Variants in SYTL5 observed in about 807,000 individuals in gnomAD.
SYTL5 encodes the protein synaptotagmin like 5, also known as synaptotagmin-like protein 5.
In SYTL5, 34 loss-of-function variants were observed where a neutral mutation model predicts 55.9. The observed-to-expected ratio is 0.61, with a 90% confidence interval of 0.46 to 0.81. The LOEUF (loss-of-function observed/expected upper bound fraction) is 0.81, where lower values mean the gene tolerates loss of function less well. Among genes scored for constraint, SYTL5 ranks in the 30% least tolerant of loss-of-function variants. The pLI, the probability that SYTL5 is intolerant of heterozygous loss-of-function variation, is 0.00. For synonymous variants in SYTL5, 221 were observed against 188.7 expected, an observed-to-expected ratio of 1.17 and a Z score of -1.40; for missense variants, 637 against 546.7, an observed-to-expected ratio of 1.17 and a Z score of -1.65.
intron 3 of SYTL5, among the ~76,000 whole-genome samples, chrX:38,058,496 C>T (rs941611365): frequency 2.7e-5 from 3 of 110,006 alleles, no homozygotes; most frequent in African/African-American, 9.9e-5. Context: ...TTTAGTGTGG[C>T]TTTGCTGGTG....
the SYTL5 span, among the ~76,000 whole-genome samples, chrX:37,967,198 C>A: frequency 9.0e-6 from 1 of 111,068 alleles, no homozygotes; most frequent in African/African-American, 3.3e-5. Context: ...ACTACAGGCA[C>A]CCGCCACCAT....
intron 2 of SYTL5, among the ~76,000 whole-genome samples, chrX:38,039,589 G>C (rs1935219105): frequency 9.0e-6 from 1 of 111,676 alleles, no homozygotes; most frequent in Admixed American, 9.5e-5. Context: ...TTGTGGTATT[G>C]ACTTGTACTT....
chrX:38,043,694 T>C (rs7886429), intron 2 of SYTL5, among the ~76,000 whole-genome samples: 5 of 92,280 alleles, frequency 5.4e-5, no homozygotes, highest in Non-Finnish European at 8.4e-5. Context: ...TATATATACA[T>C]ATATATATAC....
At chrX:37,912,977 G>C in the SYTL5 span, among the ~76,000 whole-genome samples, 2 of 111,776 alleles carry the variant, frequency 1.8e-5, no homozygotes, top group Non-Finnish European at 3.8e-5. Context: ...AGTTCCACCA[G>C]TGAGAGGTAA....
At chrX:38,062,079 T>A in intron 3 of SYTL5, among the ~76,000 whole-genome samples, 1 of 111,112 alleles carries the variant, frequency 9.0e-6, no homozygotes, top group South Asian at 3.9e-4. Flanking sequence ...GTGATTCTCC[T>A]GCCTCAGTTT....
At position 38,110,371 on chromosome X, in the gene SYTL5, C is replaced by G. The variant is rs769038460; in HGVS notation, c.1485C>G (p.Val495=). 1.2e-5 allele frequency: 14 copies of G among 1,208,944 alleles called. No homozygotes were observed. The South Asian group carries it at 2.1e-4, about 18-fold the overall frequency. The change falls in exon 13 of 17, where the codon GTC becomes GTG. Residue 495 remains valine (V), a synonymous_variant. Transcript: ENST00000297875. ...QLETRTLQLS[V]WHYDRFGRNS... is the part of the protein sequence containing the mutation. ...AAACAAGAACTCTGCAGCTCTCAGTCTGGCACTATGATCGATTTGGACGTA... is the reference window on the plus strand; with the variant it reads ...AAACAAGAACTCTGCAGCTCTCAGTGTGGCACTATGATCGATTTGGACGTA...
At chrX:38,111,318 G>T (rs1412594625) in intron 13 of SYTL5, among the ~76,000 whole-genome samples, 1 of 111,483 alleles carries the variant, frequency 9.0e-6, no homozygotes, top group Non-Finnish European at 1.9e-5. Flanking sequence ...TAATATAATC[G>T]TGGGATGTAG....
At chrX:37,921,725 G>A in the SYTL5 span, among the ~76,000 whole-genome samples, 1 of 111,624 alleles carries the variant, frequency 9.0e-6, no homozygotes, top group African/African-American at 3.3e-5. Flanking sequence ...ATATTTCCCT[G>A]TTTCTCTAGC....
chrX:37,926,267 A>G, the SYTL5 span, among the ~76,000 whole-genome samples: 64 of 111,769 alleles, frequency 5.7e-4, no homozygotes, highest in Non-Finnish European at 9.4e-4. Context: ...TGCTATTTGT[A>G]TATCTACTTT....
intron 3 of SYTL5, among the ~76,000 whole-genome samples, chrX:38,063,405 A>G (rs1291809763): frequency 8.9e-6 from 1 of 111,806 alleles, no homozygotes; most frequent in Non-Finnish European, 1.9e-5. Flanking sequence ...CACTATGAGT[A>G]TGGTACCTTA....
chrX:37,996,135 G>A, the SYTL5 span, among the ~76,000 whole-genome samples: 1 of 112,063 alleles, frequency 8.9e-6, no homozygotes, highest in African/African-American at 3.2e-5. Context: ...CAAGGGGCAT[G>A]GGAGAGTCAG....
intron 13 of SYTL5, among the ~76,000 whole-genome samples, chrX:38,118,637 A>G (rs1333832301): frequency 8.9e-6 from 1 of 111,865 alleles, no homozygotes; most frequent in Non-Finnish European, 1.9e-5. Context: ...TTATATTTTG[A>G]GATGATTATA....
At chrX:37,989,590 C>T in the SYTL5 span, among the ~76,000 whole-genome samples, 1 of 111,830 alleles carries the variant, frequency 8.9e-6, no homozygotes, top group Non-Finnish European at 1.9e-5. Context: ...GCCTTGAAAC[C>T]TAATGGTTGG....
chrX:38,032,539 C>T (rs867108552), intron 1 of SYTL5, among the ~76,000 whole-genome samples: 14 of 111,220 alleles, frequency 1.3e-4, no homozygotes, highest in Admixed American at 3.8e-4. Flanking sequence ...GCATTGAAGC[C>T]GCTGTGTTCT....
chrX:37,948,757 C>T, the SYTL5 span, among the ~76,000 whole-genome samples: 22 of 111,504 alleles, frequency 2.0e-4, no homozygotes, highest in African/African-American at 7.2e-4. Context: ...CATATTGTCA[C>T]AAATGACAGG....
the SYTL5 span, among the ~76,000 whole-genome samples, chrX:37,971,534 TAAC>T: frequency 1.2e-3 from 137 of 110,044 alleles, no homozygotes; most frequent in African/African-American, 3.7e-3. Flanking sequence ...ACAACAACAA[TAAC>T]AACAACAACA....
In SYTL5 at chrX:38,054,356, T is replaced by C. The variant is rs776842401; in HGVS notation, c.263T>C (p.Val88Ala). Residue 88 changes from valine (V) to alanine (A), a missense_variant, in exon 3 of 17, where the codon GTA becomes GCA. By Grantham distance (64) the Val-to-Ala change is moderately conservative. Coordinates refer to ENST00000297875, the MANE Select transcript of SYTL5 (RefSeq NM_138780.3). ...CCTTGTCAGGCTTGCTCACTGAGGG[T>C]ATGCAGGGAGTGTCGAGTTGCAGGC... ...GDPCQACSLR[V>A]CRECRVAGPN... The C allele has an allele frequency of 5.5e-5, 67 of 1,209,263 alleles. No homozygotes were observed. The highest frequency in any genetic ancestry group is 7.2e-5 in the Non-Finnish European group (64 of 894,984).
intron 1 of SYTL5, among the ~76,000 whole-genome samples, chrX:38,016,238 C>T (rs1012307087): frequency 8.9e-6 from 1 of 111,970 alleles, no homozygotes; most frequent in African/African-American, 3.2e-5. Context: ...CACAAAATAG[C>T]TATGGTTTTG....
At chrX:38,090,178 A>G (rs1318738086) in intron 7 of SYTL5, among the ~76,000 whole-genome samples, 1 of 112,386 alleles carries the variant, frequency 8.9e-6, no homozygotes, top group Non-Finnish European at 1.9e-5. Context: ...AAAACATTTT[A>G]GAAGGCTCTG....
Sources: gnomAD v4.1 joint callset for allele counts (sites outside exome capture counted in the v4.1 genomes callset) on GRCh38, gnomAD v4.1.1 for gene constraint, MANE v1.5 for transcripts, NCBI Gene and HGNC (gene_info 2026-07-23, HGNC 2026-07-21) for gene names.